PCDH11Y: variants seen among roughly 807,000 people sequenced by gnomAD.
The protein encoded by PCDH11Y is protocadherin-11 Y-linked.
For missense variants in PCDH11Y, 12 were observed against 224.8 expected, an observed-to-expected ratio of 0.05 and a Z score of 6.05; for synonymous variants, 9 against 83.6, an observed-to-expected ratio of 0.11 and a Z score of 4.87.
rs373552339 is a variant in PCDH11Y, at chrY:5,260,604, C to T, written c.3129+159897C>T. Among the ~76,000 whole-genome samples, 12 of 5,525 alleles carry T rather than the reference C, an allele frequency of 2.2e-3. No individual in the cohort carries two copies. In the South Asian group the frequency reaches 0.074, roughly 34 times the overall value. 14.8% of individuals were successfully genotyped at this position (5,525 alleles called of 37,273 possible). On this transcript the variant is annotated intron_variant, in intron 2 of 4. Coordinates refer to the PCDH11Y transcript ENST00000400457. ...TATCTGATAGAATTCTAAATTCATA[C>T]TCTGTGCTATCTTGAATCTCTTTGA...
chrY:5,587,536 G>A, intron 4 of PCDH11Y, among the ~76,000 whole-genome samples: 4 of 32,178 alleles, frequency 1.2e-4, no homozygotes, highest in Non-Finnish European at 2.3e-4. Context: ...TGGTGTTTAA[G>A]TCTCCACCTA....
intron 2 of PCDH11Y, among the ~76,000 whole-genome samples, chrY:5,131,814 C>T: frequency 2.4e-4 from 8 of 33,397 alleles, no homozygotes; most frequent in African/African-American, 9.3e-4. Context: ...TGTCTGTAAA[C>T]GTGGCATATT....
At chrY:5,440,737 C>CTATATA (rs1270510256) in intron 2 of PCDH11Y, among the ~76,000 whole-genome samples, 4 of 9,115 alleles carry the variant, frequency 4.4e-4, no homozygotes, top group South Asian at 6.7e-3. Context: ...TTTTAATAAA[C>CTATATA]TATATATATA....
At chrY:5,581,849 A>G in intron 4 of PCDH11Y, 51 bp downstream of exon 5, 1 of 360,356 alleles carries the variant, frequency 2.8e-6, no homozygotes, top group Non-Finnish European at 3.8e-6. Flanking sequence ...TTTCATTTTA[A>G]AATGAAGTGC....
intron 2 of PCDH11Y, among the ~76,000 whole-genome samples, chrY:5,320,163 T>G (rs2053111127): frequency 3.0e-5 from 1 of 33,165 alleles, no homozygotes; most frequent in Non-Finnish European, 7.5e-5. Flanking sequence ...CTTCAAAGCT[T>G]TAAACAATAA....
At chrY:5,105,643 A>AAAAG (rs1556397976), downstream of PCDH11Y, among the ~76,000 whole-genome samples, 18 of 31,855 alleles carry the variant, frequency 5.7e-4, no homozygotes, top group Non-Finnish European at 9.9e-4. Context: ...AAAAAAAAAA[A>AAAAG]AAAGAAAGAA....
chrY:5,528,048 C>T (rs2124691182), intron 3 of PCDH11Y, among the ~76,000 whole-genome samples: 1 of 32,626 alleles, frequency 3.1e-5, no homozygotes, highest in East Asian at 8.2e-4. Context: ...TTCTCAGTCA[C>T]ATCCATTGGC....
At chrY:5,069,042 A>G (rs2052694178) in intron 1 of PCDH11Y, among the ~76,000 whole-genome samples, 1 of 32,812 alleles carries the variant, frequency 3.0e-5, no homozygotes, top group Non-Finnish European at 7.4e-5. Flanking sequence ...TATTTGCACA[A>G]ACTTGAACTT....
intron 3 of PCDH11Y, among the ~76,000 whole-genome samples, chrY:5,576,474 C>T: frequency 3.1e-5 from 1 of 32,729 alleles, no homozygotes; most frequent in African/African-American, 1.2e-4. Flanking sequence ...GTAAGATGTC[C>T]AGTTCTGTAT....
chrY:5,265,217 C>G, intron 2 of PCDH11Y, among the ~76,000 whole-genome samples: 1 of 33,035 alleles, frequency 3.0e-5, no homozygotes, highest in Non-Finnish European at 7.4e-5. Context: ...TGATTGCTAA[C>G]CTGATTTTTG....
At chrY:5,562,329 G>A in intron 3 of PCDH11Y, among the ~76,000 whole-genome samples, 1 of 33,876 alleles carries the variant, frequency 3.0e-5, no homozygotes, top group South Asian at 6.5e-4. Context: ...TACAGGTGGA[G>A]TCTAGATCTT....
At chrY:5,147,199 C>T in intron 2 of PCDH11Y, among the ~76,000 whole-genome samples, 1 of 27,933 alleles carries the variant, frequency 3.6e-5, no homozygotes, top group African/African-American at 1.4e-4. Context: ...TAATAAACTT[C>T]CCTTCATATA....
At chrY:5,206,883 C>G in intron 2 of PCDH11Y, among the ~76,000 whole-genome samples, 1 of 29,082 alleles carries the variant, frequency 3.4e-5, no homozygotes, top group East Asian at 9.4e-4. Flanking sequence ...CAGGAAATCA[C>G]AATTTCATTC....
At chrY:5,594,894 AC>A (rs2053465908) in intron 4 of PCDH11Y, among the ~76,000 whole-genome samples, 1 of 33,202 alleles carries the variant, frequency 3.0e-5, no homozygotes, top group African/African-American at 1.2e-4. Context: ...ATGGTCTGCT[AC>A]AGACGCTCCC....
intron 4 of PCDH11Y, among the ~76,000 whole-genome samples, chrY:5,661,934 C>T: frequency 3.1e-5 from 1 of 32,268 alleles, no homozygotes; most frequent in African/African-American, 1.2e-4. Context: ...GAAATTTTTA[C>T]CTTTAAAAAA....
chrY:5,078,569 G>T, intron 1 of PCDH11Y, among the ~76,000 whole-genome samples: 1 of 33,298 alleles, frequency 3.0e-5, no homozygotes, highest in East Asian at 8.0e-4. Context: ...GGAGGAGAAA[G>T]GCAGGACTTA....
chrY:5,546,779 A>G (rs2053413279), intron 3 of PCDH11Y, among the ~76,000 whole-genome samples: 1 of 32,226 alleles, frequency 3.1e-5, no homozygotes, highest in Non-Finnish European at 7.7e-5. Flanking sequence ...AGTGTAAAAA[A>G]CATGAGGTTG....
intron 2 of PCDH11Y, among the ~76,000 whole-genome samples, chrY:5,357,911 G>A: frequency 3.0e-5 from 1 of 33,625 alleles, no homozygotes; most frequent in Non-Finnish European, 7.3e-5. Flanking sequence ...GGAATCATAA[G>A]CAACTGTGGC....
At chrY:5,054,626 A>G, upstream of PCDH11Y, among the ~76,000 whole-genome samples, 1 of 29,272 alleles carries the variant, frequency 3.4e-5, no homozygotes, top group Non-Finnish European at 8.1e-5. Flanking sequence ...TTTAATTCCA[A>G]TTGTCACTGC....
Sources: gnomAD v4.1 joint callset for allele counts (sites outside exome capture counted in the v4.1 genomes callset) on GRCh38, gnomAD v4.1.1 for gene constraint, MANE v1.5 for transcripts, NCBI Gene and HGNC (gene_info 2026-07-23, HGNC 2026-07-21) for gene names.